ZNF445: variants seen among roughly 807,000 people sequenced by gnomAD.
The protein encoded by ZNF445 is zinc finger protein 168.
Under a neutral mutation model 93.9 loss-of-function variants are expected in ZNF445, and 19 were observed. The observed-to-expected ratio is 0.20, with a 90% CI of 0.14 to 0.30. The LOEUF (loss-of-function observed/expected upper bound fraction) is 0.30. Among genes scored for constraint, ZNF445 ranks in the 10% least tolerant of loss-of-function variants. The pLI, the probability that ZNF445 is intolerant of heterozygous loss-of-function variation, is 1.00. For missense variants in ZNF445, 1,058 were observed against 1,259.4 expected, an observed-to-expected ratio of 0.84 and a Z score of 2.42; for synonymous variants, 449 against 446.3, an observed-to-expected ratio of 1.01 and a Z score of -0.08.
intron 1 of ZNF445, among the ~76,000 whole-genome samples, chr3:44,474,089 G>C (rs1371953848): frequency 6.6e-6 from 1 of 152,188 alleles, no homozygotes; most frequent in Non-Finnish European, 1.5e-5. Context: ...AAGAGAAACA[G>C]CATCTCATAT....
In ZNF445 at chr3:44,442,479, T is replaced by C. The variant is rs1258294520; in HGVS notation, c.*4096A>G. ...CGTTGTTCCACGCACTTACCCACAC[T>C]TGGGCTTTCAAAAATGTGCCAGCTT... On this transcript the variant is annotated 3_prime_UTR_variant, in exon 8 of 8. Transcript: ENST00000396077. 6.6e-6 allele frequency: 1 copy of C among 152,244 alleles called. No homozygotes were observed. Among genetic ancestry groups the C allele is most frequent in the Non-Finnish European group, 1.5e-5 (1 of 68,048 alleles). The allele number at this position is 152,244 out of a possible 1,614,324, so 9.4% of individuals were successfully genotyped here.
At position 44,448,640 on chromosome 3, in the gene ZNF445, C is replaced by G. The variant is rs1305824624; in HGVS notation, c.1031G>C (p.Ser344Thr). The change falls in exon 8 of 8, where the codon AGT becomes ACT. Residue 344 changes from serine (S) to threonine (T), a missense_variant. By Grantham distance (58) the Ser-to-Thr change is moderately conservative (BLOSUM62 1). This residue lies in a region of ZNF445 where 657 missense variants were observed against 746.4 expected (regional missense o/e 0.88). Transcript: ENST00000396077. ...TCTGAGCCCAATTCCCTCAGAAACA[C>G]TTGTCGCAGGACATCCTGATGACAC... The part of the protein sequence containing the change: ...LAVSSGCPAT[S>T]VSEGIGLRES... 1 of 1,614,222 alleles carries G rather than the reference C, an allele frequency of 6.2e-7. No individual in the cohort carries two copies. The highest frequency in any genetic ancestry group is 2.2e-5 in the East Asian group (1 of 44,888).
Position 44,431,712 on chromosome 3 carries a change from C to CA in ZNF445, c.*14862dup, listed in dbSNP as rs975705370. On this transcript the variant is annotated 3_prime_UTR_variant, in exon 8 of 8. Coordinates refer to ENST00000396077, the MANE Select transcript of ZNF445 (RefSeq NM_181489.6). ...TAAAACTGACAAACGTAATTTTGAG[C>CA]AAAAAATGCAAGACAGACAATACTT... 1.3e-5 allele frequency: 2 copies of CA among 151,668 alleles called. No individual in the cohort carries two copies. The highest frequency in any genetic ancestry group is 4.8e-5 in the African/African-American group (2 of 41,294). The allele number at this position is 151,668 out of a possible 1,614,324, so 9.4% of individuals were successfully genotyped here.
intron 1 of ZNF445, among the ~76,000 whole-genome samples, chr3:44,474,858 G>A (rs774473433): frequency 2.0e-5 from 3 of 151,976 alleles, no homozygotes; most frequent in African/African-American, 7.3e-5. Context: ...CTGGCCAGGC[G>A]CGGTGGCTCA....
rs138653802 is a variant in ZNF445, at chr3:44,476,423, G to C, written c.-269+1168C>G. Among the ~76,000 whole-genome samples, 20 of 150,800 alleles carry C rather than the reference G, an allele frequency of 1.3e-4. No homozygotes were observed. In the East Asian group the frequency reaches 2.9e-3, roughly 22 times the overall value. ...TGCCTTTCATTAAGATAACATAAAA[G>C]AGCAGCCTAATTCTTTGGTCCCTGA... On this transcript the variant is annotated intron_variant, in intron 1 of 7. Transcript: ENST00000396077.
rs1697773125 is a variant in ZNF445 at position 44,439,749 on chromosome 3, TGA to T, written c.*6824_*6825del. On this transcript the variant is annotated 3_prime_UTR_variant, in exon 8 of 8. Coordinates refer to ENST00000396077, the MANE Select transcript of ZNF445 (RefSeq NM_181489.6). ...TCAAAACTGGTTCGGATGTTGAAAC[TGA>T]TGACACTGCAGACACCAAGAGGTTA... is the stretch of plus-strand genomic sequence containing the variant. The T allele has an allele frequency of 6.6e-6, 1 of 152,254 alleles. No individual in the cohort carries two copies. Among genetic ancestry groups the T allele is most frequent in the Non-Finnish European group, 1.5e-5 (1 of 68,054 alleles). The allele number at this position is 152,254 out of a possible 1,614,324, so 9.4% of individuals were successfully genotyped here.
intron 1 of ZNF445, among the ~76,000 whole-genome samples, chr3:44,461,846 C>T (rs1015868823): frequency 3.9e-5 from 6 of 152,118 alleles, no homozygotes; most frequent in African/African-American, 1.4e-4. Context: ...GAGTGACTTT[C>T]TCTTGTAAAG....
chr3:44,469,765 T>C (rs1698240039), intron 1 of ZNF445, among the ~76,000 whole-genome samples: 1 of 151,322 alleles, frequency 6.6e-6, no homozygotes, highest in African/African-American at 2.4e-5. Context: ...CAAAACTCCA[T>C]CTCAAAAACA....
chr3:44,446,687 C>T lies in ZNF445; in HGVS notation c.2984G>A (p.Ser995Asn). 1 of 1,614,240 alleles carries T rather than the reference C, an allele frequency of 6.2e-7. No individual in the cohort carries two copies. Among genetic ancestry groups the T allele is most frequent in the Non-Finnish European group, 8.5e-7 (1 of 1,180,050 alleles). ...KTFNKSSQLI[S>N]HKRFHTRERP... ...CTCTCGAGTATGAAATCTCTTGTGG[C>T]TAATGAGTTGTGAACTCTTGTTAAA... Residue 995 changes from serine to asparagine, a missense_variant, in exon 8 of 8, where the codon AGC (serine) becomes AAC (asparagine). Ser to Asn is a conservative substitution (Grantham distance 46, BLOSUM62 1). Around this residue, in one of 3 missense-constraint regions of ZNF445, gnomAD observed 387 missense variants for 475.7 expected, o/e 0.81. Coordinates refer to ENST00000396077, the MANE Select transcript of ZNF445 (RefSeq NM_181489.6). The surrounding 1 kb of genome is among the most constrained non-coding windows in gnomAD (Gnocchi z 4.2).
rs1697894361 is a variant in ZNF445, at chr3:44,447,480, GCTT to G, written c.2188_2190del (p.Lys730del). 6.2e-7 allele frequency: 1 copy of G among 1,614,054 alleles called. No individual in the cohort carries two copies. Among genetic ancestry groups the G allele is most frequent in the Admixed American group, 1.7e-5 (1 of 60,006 alleles). ...CCCTCAGGTTTTCTTTTCATGGCAT[GCTT>G]CTTCTTATGAACAATAAAGGCTGAC... On this transcript the variant is annotated inframe_deletion, in exon 8 of 8. Coordinates refer to ENST00000396077, the MANE Select transcript of ZNF445 (RefSeq NM_181489.6). This position sits in a 1 kb window ranked among gnomAD's most constrained non-coding sequence, Gnocchi z 4.7.
chr3:44,467,112 C>T (rs1021059139), intron 1 of ZNF445, among the ~76,000 whole-genome samples: 4 of 152,208 alleles, frequency 2.6e-5, no homozygotes, highest in Non-Finnish European at 4.4e-5. Context: ...CTAGGACTCT[C>T]ACGGAAAGCT....
chr3:44,462,286 A>G (rs1391071657), intron 1 of ZNF445, among the ~76,000 whole-genome samples: 1 of 152,194 alleles, frequency 6.6e-6, no homozygotes, highest in Non-Finnish European at 1.5e-5. Flanking sequence ...TTCTGTCCTC[A>G]AGAGCTTAAC....
rs986232795 is a variant in ZNF445, at chr3:44,434,192, C to T, written c.*12383G>A. 1 of 149,692 alleles carries T rather than the reference C, an allele frequency of 6.7e-6. No homozygotes were observed. 9.3% of individuals were successfully genotyped at this position (149,692 alleles called of 1,614,324 possible). A position where few individuals can be genotyped will look rare whatever the true frequency, so the allele number is the denominator to read the frequency against. ...CTTTGGGAGGCTGAGGTGGGCAGAT[C>T]ACTTGAGGTCAAGAGTTCAAGACCA... On this transcript the variant is annotated 3_prime_UTR_variant, in exon 8 of 8. Coordinates refer to ENST00000396077, the MANE Select transcript of ZNF445 (RefSeq NM_181489.6).
At chr3:44,474,656 A>G (rs76327254) in intron 1 of ZNF445, among the ~76,000 whole-genome samples, 1,672 of 152,338 alleles carry the variant, frequency 0.011, 37 homozygotes, top group African/African-American at 0.038. Flanking sequence ...TCTAGATTGG[A>G]GCCTACAACA....
intron 7 of ZNF445, among the ~76,000 whole-genome samples, 167 bp downstream of exon 7, chr3:44,449,346 G>A (rs1190138236): frequency 6.6e-6 from 1 of 152,172 alleles, no homozygotes; most frequent in Non-Finnish European, 1.5e-5. Flanking sequence ...CCTCTCGGAG[G>A]CCAGCCAGGA....
intron 1 of ZNF445, among the ~76,000 whole-genome samples, chr3:44,470,817 C>T (rs116456068): frequency 0.011 from 1,670 of 152,166 alleles, 34 homozygotes; most frequent in African/African-American, 0.038. Context: ...TTGAAGATGG[C>T]AGATGCACAG....
chr3:44,457,855 C>CA (rs1253579712), intron 2 of ZNF445, among the ~76,000 whole-genome samples: 1 of 150,722 alleles, frequency 6.6e-6, no homozygotes, highest in Admixed American at 6.6e-5. Flanking sequence ...ACAAAAAATA[C>CA]AAAAAAAATT....
At chr3:44,449,719 A>G (rs1697931729) in intron 6 of ZNF445, 96 bp from the exon 7 acceptor site, 2 of 964,276 alleles carry the variant, frequency 2.1e-6, no homozygotes, top group Non-Finnish European at 3.3e-6. Context: ...GGAAGGTGGG[A>G]AAGACCAGGA....
rs1374508962 is a variant in ZNF445, at chr3:44,432,253, A to ACTCATTTGTGTGTGTG, written c.*14306_*14321dup. 7.0e-6 allele frequency: 1 copy of ACTCATTTGTGTGTGTG among 143,436 alleles called. No individual in the cohort carries two copies. Among genetic ancestry groups the ACTCATTTGTGTGTGTG allele is most frequent in the African/African-American group, 2.7e-5 (1 of 36,578 alleles). The allele number at this position is 143,436 out of a possible 1,614,324, so 8.9% of individuals were successfully genotyped here. A position where few individuals can be genotyped will look rare whatever the true frequency, so the allele number is the denominator to read the frequency against. On this transcript the variant is annotated 3_prime_UTR_variant, in exon 8 of 8. Transcript: ENST00000396077. ...TGAAGTTTTATTGGAACACATCTACACTCATTTGTGTGTGTGTGTCTGTGT... is the reference window on the plus strand; with the variant it reads ...TGAAGTTTTATTGGAACACATCTACACTCATTTGTGTGTGTGCTCATTTGTGTGTGTGTGTCTGTGT...
Sources: gnomAD v4.1 joint callset for allele counts (sites outside exome capture counted in the v4.1 genomes callset) on GRCh38, gnomAD v4.1.1 for gene constraint, gnomAD v4.1.1 regional missense constraint, Gnocchi (gnomAD v3.1) non-coding constraint, MANE v1.5 for transcripts, NCBI Gene and HGNC (gene_info 2026-07-23, HGNC 2026-07-21) for gene names.